The following UBE2D3 variants were observed in gnomAD, a reference collection of about 807,000 sequenced individuals.
UBE2D3 encodes ubiquitin-conjugating enzyme E2 D3.
A neutral mutation model predicts 22.8 loss-of-function variants in UBE2D3; 2 were observed. The observed-to-expected ratio is 0.09, with a 90% confidence interval of 0.04 to 0.28. The LOEUF is 0.28. Ranked by LOEUF, UBE2D3 falls within the 10% of genes least tolerant of loss-of-function variation. The pLI is 1.00. For synonymous variants in UBE2D3, 56 were observed against 60.4 expected (o/e 0.93, Z 0.34); for missense variants, 27 against 182.5 (o/e 0.15, Z 4.91).
At chr4:102,804,777 T>C (rs955591703) in intron 4 of UBE2D3, among the ~76,000 whole-genome samples, 1 of 152,050 alleles carries the variant, frequency 6.6e-6, no homozygotes, top group Admixed American at 6.6e-5. Context: ...TGGGATCAAG[T>C]GATTCTCCCA....
chr4:102,834,811 CTCTGT>C (rs1731304531), intron 1 of UBE2D3, among the ~76,000 whole-genome samples: 1 of 151,072 alleles, frequency 6.6e-6, no homozygotes, highest in Admixed American at 6.6e-5. Flanking sequence ...GACAGGGTCT[CTCTGT>C]TACCCAAGTT....
chr4:102,856,914 T>C (rs558147475), intron 1 of UBE2D3, among the ~76,000 whole-genome samples: 12 of 152,226 alleles, frequency 7.9e-5, no homozygotes, highest in Admixed American at 3.3e-4. Flanking sequence ...TAGGGGTAAA[T>C]AGGTGGAGCA....
At chr4:102,819,927 A>T (rs1483106674) in intron 2 of UBE2D3, among the ~76,000 whole-genome samples, 1 of 152,258 alleles carries the variant, frequency 6.6e-6, no homozygotes, top group East Asian at 1.9e-4. Flanking sequence ...ATGACTCAAA[A>T]GACAAGATTT....
intron 1 of UBE2D3, among the ~76,000 whole-genome samples, chr4:102,862,520 C>A (rs1286905956): frequency 6.6e-6 from 1 of 152,118 alleles, no homozygotes. Context: ...GTTTCTTATA[C>A]CTTGATCAAA....
At chr4:102,810,322 G>T (rs1410731516) in intron 2 of UBE2D3, 1 of 150,812 alleles carries the variant, frequency 6.6e-6, no homozygotes, top group African/African-American at 2.5e-5. Context: ...CTCTCATGGG[G>T]CTAAGTACCT....
At chr4:102,824,697 T>G (rs769655786) in intron 2 of UBE2D3, among the ~76,000 whole-genome samples, 6 of 152,224 alleles carry the variant, frequency 3.9e-5, no homozygotes, top group Non-Finnish European at 7.3e-5. Context: ...GAGGCCTTCC[T>G]TTAACGTGTT....
At chr4:102,863,059 T>TA (rs1399296382) in intron 1 of UBE2D3, among the ~76,000 whole-genome samples, 1 of 152,024 alleles carries the variant, frequency 6.6e-6, no homozygotes, top group African/African-American at 2.4e-5. Context: ...TGTTTTTTTT[T>TA]TCTTTTTTTG....
chr4:102,838,499 C>T (rs1731548545), intron 1 of UBE2D3, among the ~76,000 whole-genome samples: 1 of 152,192 alleles, frequency 6.6e-6, no homozygotes, highest in Non-Finnish European at 1.5e-5. Context: ...GATGACATGA[C>T]CCTTCAAGTT....
intron 1 of UBE2D3, 63 bp from the exon 2 acceptor site, chr4:102,826,699 G>A (rs1158662049): frequency 6.8e-7 from 1 of 1,466,004 alleles, no homozygotes; most frequent in South Asian, 1.4e-5. Context: ...GATGAATCCA[G>A]GTCCCTTAAG....
intron 1 of UBE2D3, among the ~76,000 whole-genome samples, chr4:102,850,091 A>G (rs1486539026): frequency 6.6e-6 from 1 of 152,242 alleles, no homozygotes; most frequent in Admixed American, 6.5e-5. Flanking sequence ...AATAGAATAT[A>G]GAAGTGAATA....
intron 1 of UBE2D3, among the ~76,000 whole-genome samples, chr4:102,851,826 C>T (rs1213027869): frequency 6.6e-6 from 1 of 152,000 alleles, no homozygotes; most frequent in Non-Finnish European, 1.5e-5. Flanking sequence ...GCCACCACAC[C>T]TGGCTAATTT....
intron 1 of UBE2D3, among the ~76,000 whole-genome samples, chr4:102,859,842 A>T (rs1354795511): frequency 6.8e-6 from 1 of 146,666 alleles, no homozygotes; most frequent in African/African-American, 2.5e-5. Flanking sequence ...TAGTTTCAGA[A>T]TTTGATTTGT....
chr4:102,851,334 G>A (rs1182462280), intron 1 of UBE2D3, among the ~76,000 whole-genome samples: 1 of 152,142 alleles, frequency 6.6e-6, no homozygotes, highest in East Asian at 1.9e-4. Flanking sequence ...TTTTTTCACC[G>A]TTTGGAACAC....
At chr4:102,856,898 G>A (rs1308056259) in intron 1 of UBE2D3, among the ~76,000 whole-genome samples, 1 of 152,152 alleles carries the variant, frequency 6.6e-6, no homozygotes, top group Admixed American at 6.5e-5. Context: ...AGGGGTATAA[G>A]GTAGGTAGGG....
At position 102,827,512 on chromosome 4, in the gene UBE2D3, G is replaced by A. The variant is rs745863145; in HGVS notation, c.-214C>T. On this transcript the variant is annotated 5_prime_UTR_variant, in exon 1 of 8. Coordinates refer to ENST00000453744, the MANE Select transcript of UBE2D3 (RefSeq NM_181891.3). ...GCCTCCCCGGCCCTACGGGGCTCAC[G>A]CGCACGACACAGCCACAAGATGTCC... is the stretch of plus-strand genomic sequence containing the variant. The A allele has an allele frequency of 4.4e-5, 43 of 986,082 alleles. No homozygotes were observed. The East Asian group carries it at 1.0e-3, about 23-fold the overall frequency. 61.1% of individuals were successfully genotyped at this position (986,082 alleles called of 1,614,324 possible).
At chr4:102,840,331 C>A (rs1731678806) in intron 1 of UBE2D3, among the ~76,000 whole-genome samples, 1 of 152,170 alleles carries the variant, frequency 6.6e-6, no homozygotes, top group Non-Finnish European at 1.5e-5. Flanking sequence ...TGTCCGTCAA[C>A]AGATGAATGG....
chr4:102,798,971 A>G, intron 7 of UBE2D3: 1 of 1,611,176 alleles, frequency 6.2e-7, no homozygotes, highest in Non-Finnish European at 8.5e-7. Flanking sequence ...TTGCTAACCT[A>G]TTGTACCTAA....
At chr4:102,799,734 A>C (rs867928974) in intron 6 of UBE2D3, among the ~76,000 whole-genome samples, 1 of 151,656 alleles carries the variant, frequency 6.6e-6, no homozygotes, top group African/African-American at 2.4e-5. Flanking sequence ...CTAGCCATAA[A>C]AATAGTTTCT....
rs751824898 is a variant in UBE2D3 at position 102,826,466 on chromosome 4, C to T, written c.24+19G>A. 2.5e-6 allele frequency: 4 copies of T among 1,613,916 alleles called. No individual in the cohort carries two copies. In the Admixed American group the frequency reaches 6.7e-5, roughly 27 times the overall value. The stretch of plus-strand genomic sequence containing the variant: ...TTCCTTTTCTCCTACCACCCCATGC[C>T]CTTGTCCCCGCGGGTTACCTTATTA... On this transcript the variant is annotated intron_variant, in intron 2 of 7. Transcript: ENST00000453744.
Sources: gnomAD v4.1 joint callset for allele counts (sites outside exome capture counted in the v4.1 genomes callset) on GRCh38, gnomAD v4.1.1 for gene constraint, MANE v1.5 for transcripts, NCBI Gene and HGNC (gene_info 2026-07-23, HGNC 2026-07-21) for gene names.